DIP2C: variants seen among roughly 807,000 people sequenced by gnomAD.
DIP2C encodes disco-interacting protein 2 homolog C.
Under a neutral mutation model 192.4 loss-of-function variants are expected in DIP2C, and 33 were observed. That is an observed-to-expected ratio of 0.17 (90% CI 0.13 to 0.23). The LOEUF (loss-of-function observed/expected upper bound fraction) is 0.23, where lower values mean the gene tolerates loss of function less well. Ranked by LOEUF, DIP2C falls within the 10% of genes least tolerant of loss-of-function variation. The pLI is 1.00. For synonymous variants in DIP2C, 979 were observed against 864.1 expected (o/e 1.13, Z -2.33); for missense variants, 1,537 against 2,110.1 (o/e 0.73, Z 5.32).
At position 640,756 on chromosome 10, in the gene DIP2C, C is replaced by T. The variant is rs544849018; in HGVS notation, c.85+48738G>A. Among the ~76,000 whole-genome samples the T allele has an allele frequency of 5.4e-5, 8 of 149,200 alleles. No homozygotes were observed. In the South Asian group the frequency reaches 1.5e-3, roughly 28 times the overall value. ...GGGTGGGCGCCGGGAAGAGGGTGGG[C>T]GCCGGGAAGAGGGTGGGCGCCGGGA... On this transcript the variant is annotated intron_variant, in intron 1 of 36. Coordinates refer to ENST00000280886, the MANE Select transcript of DIP2C (RefSeq NM_014974.3).
chr10:391,677 G>C (rs750491684), intron 10 of DIP2C, among the ~76,000 whole-genome samples: 1 of 152,334 alleles, frequency 6.6e-6, no homozygotes. Flanking sequence ...AAAACAGCCA[G>C]GGTTCCAGGA....
At chr10:518,136 G>T (rs1846479373) in intron 1 of DIP2C, among the ~76,000 whole-genome samples, 2 of 152,236 alleles carry the variant, frequency 1.3e-5, no homozygotes. Context: ...CACAGTCACA[G>T]GCATGAGGCC....
At position 440,986 on chromosome 10, in the gene DIP2C, C is replaced by T. The variant is rs989106748; in HGVS notation, c.279G>A (p.Thr93=). The stretch of plus-strand genomic sequence containing the variant: ...TGGCCAGAGCCGCCTGGACAGCTTC[C>T]GTGTGGACGTCTGAAACGGAGAGAG... ...RDERYRSDVH[T]EAVQAALAKH... is the part of the protein sequence containing the mutation. The change falls in exon 4 of 37, where the codon ACG becomes ACA. Residue 93 remains threonine, a synonymous_variant. Coordinates refer to ENST00000280886, the MANE Select transcript of DIP2C (RefSeq NM_014974.3). The T allele has an allele frequency of 8.1e-6, 13 of 1,612,752 alleles. No homozygotes were observed. Among genetic ancestry groups the T allele is most frequent in the East Asian group, 4.5e-5 (2 of 44,878 alleles).
intron 1 of DIP2C, among the ~76,000 whole-genome samples, chr10:553,720 G>C (rs933026652): frequency 6.6e-6 from 1 of 151,832 alleles, no homozygotes; most frequent in African/African-American, 2.4e-5. Context: ...CATCATAGGA[G>C]AAAAGGTATA....
intron 4 of DIP2C, among the ~76,000 whole-genome samples, chr10:440,114 T>C (rs1222500086): frequency 6.6e-6 from 1 of 152,226 alleles, no homozygotes; most frequent in African/African-American, 2.4e-5. Context: ...TCATGAGATG[T>C]AGTTTATAAT....
Position 310,935 on chromosome 10 carries a change from T to C in DIP2C, c.3925-843A>G, listed in dbSNP as rs554974101. Among the ~76,000 whole-genome samples, 134 of 152,096 alleles carry C rather than the reference T, an allele frequency of 8.8e-4. 1 individual carries two copies. The highest frequency in any genetic ancestry group is 3.1e-3 in the African/African-American group (130 of 41,474). ...AAAAAATAAGGGAGCCCTTCAGAAT[T>C]CATTTGAAGAATTACACTAAAATTC... On this transcript the variant is annotated intron_variant, in intron 31 of 36. Coordinates refer to ENST00000280886, the MANE Select transcript of DIP2C (RefSeq NM_014974.3).
chr10:345,000 T>C lies in DIP2C; in HGVS notation c.3342A>G (p.Thr1114=), dbSNP rs1958362089. ...DVRTWPLILD[T]DDLPKKRPAQ... ...ACCTTCTGCAGCTAAAGCACCAACCTGTGTCCAGGATGAGGGGCCACGTCC... is the reference window on the plus strand; with the variant it reads ...ACCTTCTGCAGCTAAAGCACCAACCCGTGTCCAGGATGAGGGGCCACGTCC... The change falls in exon 27 of 37, where the codon ACA becomes ACG. Residue 1114 remains threonine, a splice_region_variant and synonymous_variant. Coordinates refer to ENST00000280886, the MANE Select transcript of DIP2C (RefSeq NM_014974.3). 2 of 1,611,948 alleles carry C rather than the reference T, an allele frequency of 1.2e-6. No individual in the cohort carries two copies. Among genetic ancestry groups the C allele is most frequent in the African/African-American group, 2.7e-5 (2 of 75,010 alleles).
intron 26 of DIP2C, among the ~76,000 whole-genome samples, chr10:347,785 T>C (rs1372883031): frequency 1.5e-4 from 16 of 109,388 alleles, no homozygotes; most frequent in East Asian, 2.9e-4. Context: ...TCGCGCATAG[T>C]TCTCCCGGAA....
intron 1 of DIP2C, among the ~76,000 whole-genome samples, chr10:522,360 A>T (rs1273623128): frequency 1.3e-5 from 2 of 152,202 alleles, no homozygotes; most frequent in African/African-American, 2.4e-5. Flanking sequence ...AAGTTTTGGC[A>T]GTTATAAAAG....
chr10:377,078 A>G (rs1961689765), intron 17 of DIP2C, among the ~76,000 whole-genome samples: 1 of 152,066 alleles, frequency 6.6e-6, no homozygotes. Context: ...CCCATTTTAC[A>G]AGCTGCACAG....
At position 575,484 on chromosome 10, in the gene DIP2C, C is replaced by CAA. The variant is rs1850093432; in HGVS notation, c.86-88956_86-88955dup. 7.2e-5 allele frequency among the ~76,000 whole-genome samples: 11 copies of CAA among 152,310 alleles called. No individual in the cohort carries two copies. In the South Asian group the frequency reaches 2.3e-3, roughly 32 times the overall value. ...AACTCAGCTTCTGCCAAAACAAACG[C>CAA]AAAAGTCTCTCAACTTCGACAGCGA... On this transcript the variant is annotated intron_variant, in intron 1 of 36. Transcript: ENST00000280886.
intron 1 of DIP2C, among the ~76,000 whole-genome samples, chr10:575,588 C>G (rs1282934670): frequency 6.6e-6 from 1 of 152,208 alleles, no homozygotes; most frequent in Admixed American, 6.5e-5. Context: ...CTTGCAAAAA[C>G]ATAGCTCAGC....
chr10:673,357 G>T (rs1830737684), intron 1 of DIP2C, among the ~76,000 whole-genome samples: 1 of 152,218 alleles, frequency 6.6e-6, no homozygotes, highest in African/African-American at 2.4e-5. Context: ...TCCTGGGAAA[G>T]CATTTCAGAA....
At chr10:619,524 A>AGGGCCAGGGCCAGGGCCAGGGCCAGGG (rs533671871) in intron 1 of DIP2C, among the ~76,000 whole-genome samples, 4 of 68,172 alleles carry the variant, frequency 5.9e-5, no homozygotes, top group Admixed American at 3.8e-4. Flanking sequence ...CAGGGCCAGG[A>AGGGCCAGGGCCAGGGCCAGGGCCAGGG]CCAAGCCCGC....
In DIP2C at chr10:666,473, G is replaced by A. The variant is rs910748602; in HGVS notation, c.85+23021C>T. ...GGCCCGCGGCAGCAGAATCACCCAA[G>A]ACTGAGATCCTGTGGCCTGAGTCGG... On this transcript the variant is annotated intron_variant, in intron 1 of 36. Coordinates refer to ENST00000280886, the MANE Select transcript of DIP2C (RefSeq NM_014974.3). The surrounding 1 kb of genome is among the most constrained non-coding windows in gnomAD (Gnocchi z 4.1). 1.3e-5 allele frequency: 2 copies of A among 152,476 alleles called. No individual in the cohort carries two copies. Among genetic ancestry groups the A allele is most frequent in the African/African-American group, 2.4e-5 (1 of 41,452 alleles). The allele number at this position is 152,476 out of a possible 1,614,324, so 9.4% of individuals were successfully genotyped here.
At position 367,234 on chromosome 10, in the gene DIP2C, G is replaced by A. The variant is rs183021132; in HGVS notation, c.2132-823C>T. On this transcript the variant is annotated intron_variant, in intron 18 of 36. Transcript: ENST00000280886. Reference sequence around the variant, plus strand: ...AGATCGAGACCATCCTGGCTAACATGGTGAAACCCCGTCTCTACTAAAAAT... The same window carrying A: ...AGATCGAGACCATCCTGGCTAACATAGTGAAACCCCGTCTCTACTAAAAAT... Among the ~76,000 whole-genome samples the A allele has an allele frequency of 1.2e-3, 177 of 152,224 alleles. 2 individuals carry two copies. In the East Asian group the frequency reaches 0.028, roughly 24 times the overall value.
At chr10:445,752 A>G (rs1043470736) in intron 3 of DIP2C, among the ~76,000 whole-genome samples, 1 of 151,550 alleles carries the variant, frequency 6.6e-6, no homozygotes, top group East Asian at 1.9e-4. Context: ...CCTGTTGTGA[A>G]GAGTCTCACA....
chr10:348,807 T>C, intron 25 of DIP2C, 45 bp from the exon 26 acceptor site: 1 of 1,608,112 alleles, frequency 6.2e-7, no homozygotes, highest in Non-Finnish European at 8.5e-7. Flanking sequence ...ACCACGCTGC[T>C]GAGTGCACAC....
chr10:470,100 T>C (rs1045419638), intron 3 of DIP2C, among the ~76,000 whole-genome samples: 5 of 152,072 alleles, frequency 3.3e-5, no homozygotes, highest in Admixed American at 2.6e-4. Flanking sequence ...GATAGGTAAG[T>C]AGATGATTGG....
Sources: allele counts gnomAD v4.1 joint callset (sites outside exome capture counted in the v4.1 genomes callset), GRCh38; gene constraint gnomAD v4.1.1; non-coding constraint Gnocchi (gnomAD v3.1); transcripts MANE v1.5; gene names NCBI Gene and HGNC (gene_info 2026-07-23, HGNC 2026-07-21).